The following EXOC4 variants were observed in gnomAD, a reference collection of about 807,000 sequenced individuals.
EXOC4 encodes SEC8-like 1.
EXOC4 carries 71 observed loss-of-function variants against 107.2 expected under a neutral mutation model. That is an observed-to-expected ratio of 0.66 (90% CI 0.55 to 0.81). The LOEUF (loss-of-function observed/expected upper bound fraction) is 0.81. Ranked by LOEUF, EXOC4 falls within the 30% of genes least tolerant of loss-of-function variation. The pLI is 0.00. For synonymous variants in EXOC4, 456 were observed against 441.2 expected, an observed-to-expected ratio of 1.03 and a Z score of -0.42; for missense variants, 1,108 against 1,189.6, an observed-to-expected ratio of 0.93 and a Z score of 1.01.
At chr7:133,865,529 T>TC (rs1383739269) in intron 11 of EXOC4, among the ~76,000 whole-genome samples, 2 of 152,196 alleles carry the variant, frequency 1.3e-5, no homozygotes, top group Non-Finnish European at 2.9e-5. Context: ...CTACTAATGA[T>TC]CAGTTGTGTT....
At chr7:133,732,360 G>T (rs897569219) in intron 10 of EXOC4, 3 of 152,262 alleles carry the variant, frequency 2.0e-5, no homozygotes, top group African/African-American at 4.8e-5. Context: ...ATGGGTTATA[G>T]GTGCAGCAAA....
At chr7:133,565,731 C>A (rs976826126) in intron 9 of EXOC4, among the ~76,000 whole-genome samples, 1 of 152,044 alleles carries the variant, frequency 6.6e-6, no homozygotes, top group Non-Finnish European at 1.5e-5. Context: ...AAGTTTGAAT[C>A]TTCTGGGTTT....
At chr7:133,649,376 A>G (rs953549739) in intron 10 of EXOC4, among the ~76,000 whole-genome samples, 2 of 152,034 alleles carry the variant, frequency 1.3e-5, no homozygotes, top group South Asian at 4.1e-4. Context: ...GCCCAGCCAA[A>G]TGGAATGAAT....
intron 5 of EXOC4, among the ~76,000 whole-genome samples, chr7:133,319,306 C>T (rs1165520965): frequency 6.6e-6 from 1 of 152,044 alleles, no homozygotes; most frequent in Non-Finnish European, 1.5e-5. Flanking sequence ...TATGATAGGC[C>T]TTACTTTTTG....
intron 9 of EXOC4, among the ~76,000 whole-genome samples, chr7:133,577,815 G>A (rs1462439409): frequency 6.6e-6 from 1 of 152,076 alleles, no homozygotes; most frequent in South Asian, 2.1e-4. Flanking sequence ...GAATGAAGCT[G>A]GTAGTTTTGT....
intron 5 of EXOC4, among the ~76,000 whole-genome samples, chr7:133,326,110 C>T (rs990287338): frequency 1.3e-5 from 2 of 152,152 alleles, no homozygotes; most frequent in African/African-American, 2.4e-5. Flanking sequence ...GTTAGCCATT[C>T]GTCTAATCTT....
chr7:134,084,124 G>A, the EXOC4 span, among the ~76,000 whole-genome samples: 2 of 152,194 alleles, frequency 1.3e-5, no homozygotes, highest in Admixed American at 6.5e-5. Flanking sequence ...TGAAAGAGAT[G>A]TAATCAGCCT....
intron 7 of EXOC4, among the ~76,000 whole-genome samples, chr7:133,394,938 CT>C (rs934806989): frequency 3.9e-4 from 59 of 151,628 alleles, no homozygotes; most frequent in African/African-American, 1.3e-3. Flanking sequence ...AAAAAAGAAA[CT>C]ATAAAAATAT....
chr7:133,812,027 G>A (rs746373127), intron 10 of EXOC4, among the ~76,000 whole-genome samples: 5 of 152,096 alleles, frequency 3.3e-5, no homozygotes, highest in Non-Finnish European at 5.9e-5. Context: ...GCCTGGCCAC[G>A]TGGGGTTTTT....
chr7:134,099,762 G>T, the EXOC4 span, among the ~76,000 whole-genome samples: 1 of 151,862 alleles, frequency 6.6e-6, no homozygotes, highest in Non-Finnish European at 1.5e-5. Flanking sequence ...TCTGGAGTGC[G>T]ATGGCGAAAT....
At chr7:133,946,668 C>T (rs1458916287) in intron 14 of EXOC4, among the ~76,000 whole-genome samples, 1 of 152,194 alleles carries the variant, frequency 6.6e-6, no homozygotes, top group African/African-American at 2.4e-5. Flanking sequence ...CTTCTGAAAT[C>T]TACGTTATTA....
chr7:133,340,997 TTTTA>T (rs1584830676), intron 5 of EXOC4, among the ~76,000 whole-genome samples: 1 of 152,220 alleles, frequency 6.6e-6, no homozygotes, highest in East Asian at 1.9e-4. Context: ...TTTTTTTGTA[TTTTA>T]TTTATTTTTG....
At chr7:133,836,938 G>C (rs971123609) in intron 11 of EXOC4, among the ~76,000 whole-genome samples, 1 of 152,162 alleles carries the variant, frequency 6.6e-6, no homozygotes, top group Non-Finnish European at 1.5e-5. Flanking sequence ...GGAGCTGCCT[G>C]CTGCTGGCAT....
intron 17 of EXOC4, among the ~76,000 whole-genome samples, chr7:134,021,785 T>C (rs1212251443): frequency 1.3e-5 from 2 of 150,860 alleles, no homozygotes; most frequent in African/African-American, 4.9e-5. Flanking sequence ...GACTTCTTTC[T>C]CTTGACACAC....
At chr7:134,083,028 T>C in the EXOC4 span, among the ~76,000 whole-genome samples, 1 of 152,184 alleles carries the variant, frequency 6.6e-6, no homozygotes, top group Non-Finnish European at 1.5e-5. Context: ...TGGAAGGAAC[T>C]GGAAAAGGGT....
chr7:133,284,208 A>G (rs1311323421), intron 2 of EXOC4, among the ~76,000 whole-genome samples: 2 of 152,138 alleles, frequency 1.3e-5, no homozygotes, highest in Admixed American at 6.5e-5. Context: ...AAGTGACACA[A>G]TTGTCTTTTT....
chr7:133,552,382 T>C (rs1800607614), intron 9 of EXOC4, among the ~76,000 whole-genome samples: 1 of 152,214 alleles, frequency 6.6e-6, no homozygotes. Context: ...TTTGTGTTAC[T>C]GCTGTCACGC....
intron 9 of EXOC4, among the ~76,000 whole-genome samples, chr7:133,569,217 A>C (rs1800968745): frequency 6.6e-6 from 1 of 152,178 alleles, no homozygotes; most frequent in South Asian, 2.1e-4. Context: ...GAAAGGTGAG[A>C]GAATAAATTG....
At chr7:133,648,902 C>T (rs1803062670) in intron 10 of EXOC4, among the ~76,000 whole-genome samples, 1 of 152,136 alleles carries the variant, frequency 6.6e-6, no homozygotes, top group Non-Finnish European at 1.5e-5. Context: ...ATTTTTCTTA[C>T]CCATTTCTCT....
Sources: gnomAD v4.1 joint callset for allele counts (sites outside exome capture counted in the v4.1 genomes callset) on GRCh38, gnomAD v4.1.1 for gene constraint, MANE v1.5 for transcripts, NCBI Gene and HGNC (gene_info 2026-07-23, HGNC 2026-07-21) for gene names.